Variants in TBL1X observed in about 807,000 individuals in gnomAD.
TBL1X encodes the protein transducin beta like 1 X-linked.
TBL1X carries 10 observed loss-of-function variants against 50.7 expected under a neutral mutation model. The ratio of observed to expected loss-of-function variants is 0.20; its 90% CI spans 0.12 to 0.33. The LOEUF (loss-of-function observed/expected upper bound fraction) is 0.33. TBL1X is among the 10% of genes least tolerant of loss of function. The probability of loss-of-function intolerance (pLI) is 1.00; values close to 1 mark genes in which losing one functional copy is unlikely to be tolerated. For synonymous variants in TBL1X, 190 were observed against 214.7 expected, an observed-to-expected ratio of 0.88 and a Z score of 1.01; for missense variants, 340 against 504.4, an observed-to-expected ratio of 0.67 and a Z score of 3.12.
chrX:9,684,598 T>TTAAAAAAAAA (rs746186550), intron 6 of TBL1X, among the ~76,000 whole-genome samples: 3 of 51,286 alleles, frequency 5.8e-5, no homozygotes, highest in East Asian at 1.1e-3. Context: ...TCTCTAAAAT[T>TTAAAAAAAAA]AAAAAAAAAA....
rs190429042 is a variant in TBL1X, at chrX:9,696,260, C to T, written c.1054-1109C>T. ...GGCTAAATTAAGAAGAGTTATACCCCAACAAAGAAATGTTAATTGGTCTAG... is the reference window on the plus strand; with the variant it reads ...GGCTAAATTAAGAAGAGTTATACCCTAACAAAGAAATGTTAATTGGTCTAG... On this transcript the variant is annotated intron_variant, in intron 11 of 17. Coordinates refer to ENST00000645353, the MANE Select transcript of TBL1X (RefSeq NM_005647.4). 2.1e-3 allele frequency among the ~76,000 whole-genome samples: 236 copies of T among 112,237 alleles called. 1 individual carries two copies. Among genetic ancestry groups the T allele is most frequent in the African/African-American group, 7.2e-3 (223 of 30,960 alleles).
chrX:9,658,905 A>G (rs2082880489), intron 5 of TBL1X, among the ~76,000 whole-genome samples: 1 of 112,015 alleles, frequency 8.9e-6, no homozygotes, highest in Non-Finnish European at 1.9e-5. Context: ...CCCAAGCTCA[A>G]TTGATCGTCC....
intron 2 of TBL1X, among the ~76,000 whole-genome samples, chrX:9,593,130 G>T (rs1384631151): frequency 9.0e-6 from 1 of 111,336 alleles, no homozygotes; most frequent in African/African-American, 3.3e-5. Context: ...GGTCGGGCGC[G>T]GTGGCTCAGG....
intron 2 of TBL1X, among the ~76,000 whole-genome samples, chrX:9,508,537 C>T (rs768059278): frequency 2.7e-5 from 3 of 112,213 alleles, no homozygotes; most frequent in Non-Finnish European, 5.6e-5. Context: ...GGCGATTCCT[C>T]AAGGATCTAG....
At chrX:9,585,328 A>ACCCCCCCCCCCCCCCCC (rs1262756915) in intron 2 of TBL1X, among the ~76,000 whole-genome samples, 1 of 54,649 alleles carries the variant, frequency 1.8e-5, no homozygotes. Context: ...GCTCCATGCC[A>ACCCCCCCCCCCCCCCCC]CCCCCCTCCC....
rs1191267651 is a variant in TBL1X, at chrX:9,599,966, G to T, written c.-130-40307G>T. 3.6e-5 allele frequency among the ~76,000 whole-genome samples: 4 copies of T among 111,677 alleles called. No individual in the cohort carries two copies. The East Asian group carries it at 1.1e-3, about 31-fold the overall frequency. On this transcript the variant is annotated intron_variant, in intron 2 of 17. Transcript: ENST00000645353. ...GCTCCACCCCAAAGCCTCGGAGAGG[G>T]CAGGACAGCCAGTGACTCTCTCCTG...
chrX:9,665,564 CT>C (rs2146611155), intron 5 of TBL1X, among the ~76,000 whole-genome samples: 1 of 63,329 alleles, frequency 1.6e-5, no homozygotes, highest in East Asian at 6.2e-4. Flanking sequence ...TTTTTCGCTT[CT>C]TGGATCTTGT....
intron 2 of TBL1X, among the ~76,000 whole-genome samples, chrX:9,618,294 G>A (rs1211576974): frequency 9.0e-6 from 1 of 111,651 alleles, no homozygotes; most frequent in Non-Finnish European, 1.9e-5. Context: ...TTGACTTCAC[G>A]GCCTGGAGGA....
Position 9,465,131 on chromosome X carries a change from C to G in TBL1X, c.-517C>G, listed in dbSNP as rs2081762291. 9.0e-6 allele frequency: 1 copy of G among 111,111 alleles called. No individual in the cohort carries two copies. Among genetic ancestry groups the G allele is most frequent in the Admixed American group, 9.5e-5 (1 of 10,495 alleles). The allele number at this position is 111,111 out of a possible 1,213,427, so 9.2% of individuals were successfully genotyped here. On this transcript the variant is annotated 5_prime_UTR_variant, in exon 1 of 18. Coordinates refer to ENST00000645353, the MANE Select transcript of TBL1X (RefSeq NM_005647.4). ...CCGCTGTCCCGCCCTCTCCCGCTGC[C>G]GCCGCCGCCGCCGCCGCGCCCGCCT...
At chrX:9,660,422 T>C (rs7882748) in intron 5 of TBL1X, among the ~76,000 whole-genome samples, 26 of 112,323 alleles carry the variant, frequency 2.3e-4, no homozygotes, top group African/African-American at 8.4e-4. Context: ...ACACTGTAGC[T>C]ACTAAAAGGA....
chrX:9,467,874 A>T (rs1167094462), intron 1 of TBL1X, among the ~76,000 whole-genome samples: 1 of 112,073 alleles, frequency 8.9e-6, no homozygotes, highest in African/African-American at 3.2e-5. Context: ...TAGGCTGAGG[A>T]GAGACGTTTC....
In TBL1X at chrX:9,559,570, T is replaced by C. The variant is rs188035018; in HGVS notation, c.-131+57721T>C. On this transcript the variant is annotated intron_variant, in intron 2 of 17. Transcript: ENST00000645353. ...AGCTTTAAGATAAAGTTCTTTAATA[T>C]CAATTTAGAAAAAGAAAGATTCATA... Among the ~76,000 whole-genome samples the C allele has an allele frequency of 3.5e-3, 394 of 111,994 alleles. 1 individual carries two copies. The highest frequency in any genetic ancestry group is 6.1e-3 in the Non-Finnish European group (322 of 53,220).
intron 2 of TBL1X, among the ~76,000 whole-genome samples, chrX:9,625,828 A>C (rs1401901654): frequency 8.9e-6 from 1 of 111,786 alleles, no homozygotes; most frequent in East Asian, 2.8e-4. Context: ...AATCCCAGCT[A>C]CTCGGGAGGC....
At chrX:9,529,697 C>G (rs1317978050) in intron 2 of TBL1X, among the ~76,000 whole-genome samples, 2 of 108,276 alleles carry the variant, frequency 1.8e-5, no homozygotes, top group African/African-American at 6.8e-5. Context: ...AACCCCAGCA[C>G]TGTGGAATGC....
rs188012898 is a variant in TBL1X, at chrX:9,718,249, G to C, written c.*2003G>C. 39 of 111,369 alleles carry C rather than the reference G, an allele frequency of 3.5e-4. No homozygotes were observed. The highest frequency in any genetic ancestry group is 1.2e-3 in the African/African-American group (38 of 30,656). The allele number at this position is 111,369 out of a possible 1,213,427, so 9.2% of individuals were successfully genotyped here. A position where few individuals can be genotyped will look rare whatever the true frequency, so the allele number is the denominator to read the frequency against. ...AAACCCAGCCATCGGGGAAGGGTCA[G>C]GGCTTCTGTGGAACTTGGAACGTGC... On this transcript the variant is annotated 3_prime_UTR_variant, in exon 18 of 18. Coordinates refer to ENST00000645353, the MANE Select transcript of TBL1X (RefSeq NM_005647.4).
chrX:9,680,861 C>CCTGCACATTTGTCATTGTGCAT (rs1424956168), intron 5 of TBL1X, among the ~76,000 whole-genome samples: 3 of 112,187 alleles, frequency 2.7e-5, no homozygotes, highest in Non-Finnish European at 5.6e-5. Flanking sequence ...AGAACTTTAT[C>CCTGCACATTTGTCATTGTGCAT]CTGCACATTT....
intron 5 of TBL1X, among the ~76,000 whole-genome samples, chrX:9,659,961 T>G (rs2082887832): frequency 8.9e-6 from 1 of 112,521 alleles, no homozygotes; most frequent in Non-Finnish European, 1.9e-5. Flanking sequence ...GTCGGCTGAA[T>G]GACAGAGCGT....
chrX:9,586,348 G>A (rs2082469782), intron 2 of TBL1X, among the ~76,000 whole-genome samples: 1 of 112,419 alleles, frequency 8.9e-6, no homozygotes, highest in Admixed American at 9.4e-5. Context: ...CCGCAATTTT[G>A]TATGAAACTT....
chrX:9,617,093 A>G (rs886827592), intron 2 of TBL1X, among the ~76,000 whole-genome samples: 2 of 111,909 alleles, frequency 1.8e-5, no homozygotes, highest in African/African-American at 6.5e-5. Context: ...AGATAGTGTG[A>G]ACAGCTCCAA....
Sources: gnomAD v4.1 joint callset for allele counts (sites outside exome capture counted in the v4.1 genomes callset) on GRCh38, gnomAD v4.1.1 for gene constraint, MANE v1.5 for transcripts, NCBI Gene and HGNC (gene_info 2026-07-23, HGNC 2026-07-21) for gene names.